Variants in SLC37A1 observed in about 807,000 individuals in gnomAD.
The protein encoded by SLC37A1 is solute carrier family 37 member 1, also known as glucose-6-phosphate exchanger SLC37A1.
A neutral mutation model predicts 75.3 loss-of-function variants in SLC37A1; 49 were observed. The ratio of observed to expected loss-of-function variants is 0.65; its 90% confidence interval spans 0.52 to 0.83. The LOEUF (loss-of-function observed/expected upper bound fraction) is 0.83. Among genes scored for constraint, SLC37A1 ranks in the 40% least tolerant of loss-of-function variants. The probability of loss-of-function intolerance (pLI) is 0.00; values close to 1 mark genes in which losing one functional copy is unlikely to be tolerated. For synonymous variants in SLC37A1, 268 were observed against 292.1 expected, an observed-to-expected ratio of 0.92 and a Z score of 0.84; for missense variants, 566 against 695.0, an observed-to-expected ratio of 0.81 and a Z score of 2.09.
At chr21:42,506,913 C>T (rs1056601546) in intron 2 of SLC37A1, among the ~76,000 whole-genome samples, 6 of 152,092 alleles carry the variant, frequency 3.9e-5, no homozygotes, top group South Asian at 2.1e-4. Context: ...GACAGACTCT[C>T]ACTCTGTCAC....
In SLC37A1 at chr21:42,562,185, G is replaced by T. The variant is rs372309388; in HGVS notation, c.1072+17G>T. 1 of 1,609,740 alleles carries T rather than the reference G, an allele frequency of 6.2e-7. No individual in the cohort carries two copies. The highest frequency in any genetic ancestry group is 1.3e-5 in the African/African-American group (1 of 74,776). ...CGAATGTGGGTGAGTATCCACGCTA[G>T]AACACATTAAATTCCGCACAGTGAC... On this transcript the variant is annotated intron_variant, in intron 12 of 19. Transcript: ENST00000352133.
chr21:42,560,251 A>G (rs2055795475), intron 11 of SLC37A1: 1 of 152,440 alleles, frequency 6.6e-6, no homozygotes, highest in Non-Finnish European at 1.5e-5. Flanking sequence ...TGTTCTTCCG[A>G]TGGGGGCAGA....
intron 5 of SLC37A1, 90 bp from the exon 6 acceptor site, chr21:42,539,422 A>G (rs2055218505): frequency 2.8e-6 from 4 of 1,446,072 alleles, no homozygotes; most frequent in Non-Finnish European, 3.8e-6. Context: ...AGAGAACAGC[A>G]TGAAAGCATC....
intron 13 of SLC37A1, among the ~76,000 whole-genome samples, chr21:42,564,223 C>CAAAAAA (rs59155326): frequency 0.4 from 31,551 of 79,158 alleles, 8,452 homozygotes; most frequent in African/African-American, 0.57. Context: ...CCCCTCTCTA[C>CAAAAAA]AAAAAAAAAA....
upstream of SLC37A1, among the ~76,000 whole-genome samples, chr21:42,512,635 T>C (rs544110676): frequency 1.3e-5 from 2 of 152,200 alleles, no homozygotes; most frequent in Non-Finnish European, 2.9e-5. Flanking sequence ...GAAGAAAACC[T>C]GGCCAAAAGG....
Position 42,552,873 on chromosome 21 carries a change from C to G in SLC37A1, c.769-1189C>G, listed in dbSNP as rs1207646160. On this transcript the variant is annotated intron_variant, in intron 9 of 19. Coordinates refer to ENST00000352133, the MANE Select transcript of SLC37A1 (RefSeq NM_001320537.2). This position sits in a 1 kb window ranked among gnomAD's most constrained non-coding sequence, Gnocchi z 4.2. ...GGGCCGAGTGCTGGGGAGCAGGAAC[C>G]CATCTCTGCTTCTGCCTGGAATGGT... Among the ~76,000 whole-genome samples, 1 of 152,208 alleles carries G rather than the reference C, an allele frequency of 6.6e-6. No individual in the cohort carries two copies. The highest frequency in any genetic ancestry group is 1.5e-5 in the Non-Finnish European group (1 of 68,036).
At chr21:42,509,098 CAACA>C (rs2054411247), upstream of SLC37A1, 2 of 152,294 alleles carry the variant, frequency 1.3e-5, no homozygotes, top group East Asian at 1.9e-4. The surrounding 1 kb of genome is among the most constrained non-coding windows in gnomAD (Gnocchi z 4.2). Flanking sequence ...AGGTATATAA[CAACA>C]AACAGTCGGG....
At chr21:42,554,708 C>T (rs922836469) in intron 10 of SLC37A1, among the ~76,000 whole-genome samples, 11 of 152,212 alleles carry the variant, frequency 7.2e-5, no homozygotes, top group African/African-American at 2.7e-4. Context: ...CCCTATGTCA[C>T]AGATGAGGAA....
chr21:42,531,594 C>T (rs894110463), intron 3 of SLC37A1, among the ~76,000 whole-genome samples: 4 of 152,186 alleles, frequency 2.6e-5, no homozygotes, highest in Admixed American at 2.6e-4. Flanking sequence ...ACTTGACCCC[C>T]TCCCCAAGTA....
chr21:42,577,996 G>A (rs780939976), intron 18 of SLC37A1, among the ~76,000 whole-genome samples: 4 of 152,220 alleles, frequency 2.6e-5, no homozygotes, highest in Non-Finnish European at 4.4e-5. Context: ...CAGCAGGTCC[G>A]TGAGCTTGAG....
In SLC37A1 at chr21:42,553,786, G is replaced by A. The variant is rs76885168; in HGVS notation, c.769-276G>A. ...TTCAAAACCATTGAAACAATCTCAC[G>A]GCCATTCAGAAAAGTTAAGTTGGCT... On this transcript the variant is annotated intron_variant, in intron 9 of 19. Coordinates refer to ENST00000352133, the MANE Select transcript of SLC37A1 (RefSeq NM_001320537.2). Among the ~76,000 whole-genome samples, 374 of 152,134 alleles carry A rather than the reference G, an allele frequency of 2.5e-3. 2 individuals are homozygous for A. Among genetic ancestry groups the A allele is most frequent in the African/African-American group, 8.6e-3 (355 of 41,484 alleles).
chr21:42,575,824 T>C, intron 18 of SLC37A1: 1 of 985,460 alleles, frequency 1.0e-6, no homozygotes, highest in Non-Finnish European at 1.2e-6. Context: ...ACTCTCAACC[T>C]ATGAACTTAC....
At position 42,580,650 on chromosome 21, in the gene SLC37A1, C is replaced by A; in HGVS notation, c.*290C>A. On this transcript the variant is annotated 3_prime_UTR_variant, in exon 20 of 20. Transcript: ENST00000352133. ...ACAGGCGTGTGCCCATGCAGCCACC[C>A]AAATGCACGCGTGACAACAAGGCCG... 2 of 258,848 alleles carry A rather than the reference C, an allele frequency of 7.7e-6. No individual in the cohort carries two copies. Among genetic ancestry groups the A allele is most frequent in the South Asian group, 3.6e-5 (1 of 27,634 alleles). 16.0% of individuals were successfully genotyped at this position (258,848 alleles called of 1,614,324 possible).
In SLC37A1 at chr21:42,540,977, G is replaced by A. The variant is rs980669754; in HGVS notation, c.486+1330G>A. Among the ~76,000 whole-genome samples, 9 of 152,290 alleles carry A rather than the reference G, an allele frequency of 5.9e-5. No homozygotes were observed. In the South Asian group the frequency reaches 8.3e-4, roughly 14 times the overall value. ...ACAGTTAGACCAGCGGCTCCCAGGC[G>A]TCTTCTAGAGCAGCAGTTTCCAACC... is the stretch of plus-strand genomic sequence containing the variant. On this transcript the variant is annotated intron_variant, in intron 6 of 19. Transcript: ENST00000352133.
intron 18 of SLC37A1, among the ~76,000 whole-genome samples, chr21:42,579,237 G>A (rs1569051601): frequency 6.6e-6 from 1 of 152,178 alleles, no homozygotes; most frequent in African/African-American, 2.4e-5. Flanking sequence ...CTCCCAGTGG[G>A]GTGCGGCTGT....
intron 2 of SLC37A1, among the ~76,000 whole-genome samples, chr21:42,506,780 T>A (rs2054387094): frequency 6.6e-6 from 1 of 152,150 alleles, no homozygotes; most frequent in Admixed American, 6.5e-5. Context: ...CCAAGTCCCA[T>A]GCCTTTTTTT....
At chr21:42,534,426 G>A (rs145923370) in intron 3 of SLC37A1, among the ~76,000 whole-genome samples, 32 of 152,266 alleles carry the variant, frequency 2.1e-4, no homozygotes, top group Admixed American at 3.3e-4. Flanking sequence ...CCCGAGGCTC[G>A]TCTTCTGGTG....
At position 42,548,228 on chromosome 21, in the gene SLC37A1, C is replaced by T. The variant is rs924440482; in HGVS notation, c.768+1088C>T. 6.6e-6 allele frequency among the ~76,000 whole-genome samples: 1 copy of T among 152,150 alleles called. No individual in the cohort carries two copies. On this transcript the variant is annotated intron_variant, in intron 9 of 19. Transcript: ENST00000352133. The surrounding 1 kb of genome is among the most constrained non-coding windows in gnomAD (Gnocchi z 5.6). ...TCAGCGGCTCCAGGTGCGTTGATGT[C>T]GAGTCACCATGCTGTCCCCAGAGTG...
chr21:42,546,826 A>G (rs560489422), intron 8 of SLC37A1, among the ~76,000 whole-genome samples: 1 of 152,370 alleles, frequency 6.6e-6, no homozygotes, highest in Admixed American at 6.5e-5. Context: ...TTTATTGTGT[A>G]TATTTAAGGT....
Sources: allele counts gnomAD v4.1 joint callset (sites outside exome capture counted in the v4.1 genomes callset), GRCh38; gene constraint gnomAD v4.1.1; non-coding constraint Gnocchi (gnomAD v3.1); transcripts MANE v1.5; gene names NCBI Gene and HGNC (gene_info 2026-07-23, HGNC 2026-07-21).